CMC2: variants seen among roughly 807,000 people sequenced by gnomAD.
The protein encoded by CMC2 is COX assembly mitochondrial protein 2 homolog.
A neutral mutation model predicts 7.5 loss-of-function variants in CMC2; 5 were observed. The observed-to-expected ratio is 0.66, with a 90% CI of 0.35 to 1.40. CMC2 has a LOEUF of 1.40. Ranked by LOEUF, CMC2 falls within the 40% of genes most tolerant of loss-of-function variation. The pLI, the probability that CMC2 is intolerant of heterozygous loss-of-function variation, is 0.04. For missense variants in CMC2, 115 were observed against 92.3 expected, an observed-to-expected ratio of 1.25 and a Z score of -1.01; for synonymous variants, 37 against 31.4, an observed-to-expected ratio of 1.18 and a Z score of -0.60.
At position 80,993,823 on chromosome 16, in the gene CMC2, A is replaced by G. The variant is rs867592673; in HGVS notation, c.81+3491T>C. ...TCAAAAAACAAAAAACCAGTAAACAAGTTTTTTGTAGAAAATGACAAGCTG... is the reference window on the plus strand; with the variant it reads ...TCAAAAAACAAAAAACCAGTAAACAGGTTTTTTGTAGAAAATGACAAGCTG... On this transcript the variant is annotated intron_variant, in intron 2 of 3. Transcript: ENST00000219400. Among the ~76,000 whole-genome samples the G allele has an allele frequency of 2.6e-5, 4 of 152,326 alleles. No homozygotes were observed. In the South Asian group the frequency reaches 8.3e-4, roughly 32 times the overall value.
intron 2 of CMC2, chr16:80,988,474 G>C: frequency 2.9e-6 from 2 of 679,154 alleles, no homozygotes; most frequent in Non-Finnish European, 5.3e-6. Context: ...AAAGTTCCAA[G>C]AACAGTACAA....
At position 80,975,038 on chromosome 16, in the gene CMC2, A is replaced by C. The variant is rs1318943280; in HGVS notation, c.*1055T>G. On this transcript the variant is annotated 3_prime_UTR_variant, in exon 4 of 4. Coordinates refer to ENST00000219400, the MANE Select transcript of CMC2 (RefSeq NM_020188.5). Reference sequence around the variant, plus strand: ...CTGAGTCTGTTCCCTGACACCTGACAAGATCAAGCCCCTGCTGTGACTGCA... The same window carrying C: ...CTGAGTCTGTTCCCTGACACCTGACCAGATCAAGCCCCTGCTGTGACTGCA... 2 of 152,288 alleles carry C rather than the reference A, an allele frequency of 1.3e-5. No homozygotes were observed. Among genetic ancestry groups the C allele is most frequent in the African/African-American group, 4.8e-5 (2 of 41,474 alleles). The allele number at this position is 152,288 out of a possible 1,614,324, so 9.4% of individuals were successfully genotyped here.
At chr16:81,000,404 G>A (rs1348592272) in intron 1 of CMC2, among the ~76,000 whole-genome samples, 1 of 152,184 alleles carries the variant, frequency 6.6e-6, no homozygotes, top group Non-Finnish European at 1.5e-5. Context: ...GCTGAGGAAG[G>A]AGAATCGCTT....
rs1911811772 is a variant in CMC2 at position 80,970,049 on chromosome 16, T to G, written c.*6044A>C. On this transcript the variant is annotated 3_prime_UTR_variant, in exon 4 of 4. Coordinates refer to ENST00000219400, the MANE Select transcript of CMC2 (RefSeq NM_020188.5). ...TCTTTATTGTTTATATAATGAAGAT[T>G]AAAAGGACAGTGTAGTAAGCAATGA... The G allele has an allele frequency of 6.6e-6, 1 of 152,220 alleles. No homozygotes were observed. Among genetic ancestry groups the G allele is most frequent in the East Asian group, 1.9e-4 (1 of 5,186 alleles). 9.4% of individuals were successfully genotyped at this position (152,220 alleles called of 1,614,324 possible).
At chr16:80,996,380 T>C (rs1009535126) in intron 2 of CMC2, among the ~76,000 whole-genome samples, 1 of 152,234 alleles carries the variant, frequency 6.6e-6, no homozygotes, top group Admixed American at 6.5e-5. Flanking sequence ...CACAAATAAT[T>C]AGTTCTTGTT....
chr16:81,006,577 C>T, intron 1 of CMC2, 157 bp downstream of exon 1: 1 of 421,844 alleles, frequency 2.4e-6, no homozygotes. Flanking sequence ...CTCCCCAGCG[C>T]AGCAGCCCGG....
intron 2 of CMC2, chr16:80,983,150 T>C (rs1967258567): frequency 6.6e-6 from 1 of 152,412 alleles, no homozygotes; most frequent in Admixed American, 6.5e-5. Context: ...CAATATATAA[T>C]ACATATAACA....
At chr16:80,994,989 T>C (rs1968291167) in intron 2 of CMC2, among the ~76,000 whole-genome samples, 1 of 151,818 alleles carries the variant, frequency 6.6e-6, no homozygotes, top group Non-Finnish European at 1.5e-5. Flanking sequence ...CTACTAAATA[T>C]ACAAAAATGA....
chr16:80,989,202 C>T (rs1381031240), intron 2 of CMC2, among the ~76,000 whole-genome samples: 2 of 152,282 alleles, frequency 1.3e-5, no homozygotes, highest in South Asian at 2.1e-4. Context: ...ACTTTTCACC[C>T]ACTAGTATGA....
intron 2 of CMC2, among the ~76,000 whole-genome samples, chr16:80,984,447 T>C (rs1010198151): frequency 4.6e-5 from 7 of 152,214 alleles, no homozygotes; most frequent in Non-Finnish European, 7.3e-5. Flanking sequence ...AAACGTACGT[T>C]TCAATTCCAC....
intron 2 of CMC2, among the ~76,000 whole-genome samples, chr16:80,987,675 G>A (rs919486299): frequency 2.0e-5 from 3 of 152,074 alleles, no homozygotes; most frequent in African/African-American, 4.8e-5. Flanking sequence ...ATAAAAGCAC[G>A]GAAAGAATGA....
At chr16:80,978,257 C>T in intron 3 of CMC2, 1 of 1,098,128 alleles carries the variant, frequency 9.1e-7, no homozygotes, top group South Asian at 2.3e-5. Flanking sequence ...ATCACGTCTA[C>T]TGGATTGCCC....
chr16:80,986,257 G>A (rs1567515535), intron 2 of CMC2, among the ~76,000 whole-genome samples: 2 of 152,154 alleles, frequency 1.3e-5, no homozygotes, highest in Non-Finnish European at 2.9e-5. Context: ...GGCTGAGGCA[G>A]GAGAATCGCT....
chr16:81,005,341 G>C (rs1403404749), intron 1 of CMC2, among the ~76,000 whole-genome samples: 1 of 152,124 alleles, frequency 6.6e-6, no homozygotes, highest in South Asian at 2.1e-4. Context: ...GAACTCGGGA[G>C]GTGGAGGTTG....
At chr16:80,988,141 G>A (rs1197446812) in intron 2 of CMC2, among the ~76,000 whole-genome samples, 1 of 152,162 alleles carries the variant, frequency 6.6e-6, no homozygotes, top group African/African-American at 2.4e-5. Context: ...CTTTGATTGT[G>A]CCACCGCACT....
Position 80,976,110 on chromosome 16 carries a change from C to G in CMC2, c.223G>C (p.Glu75Gln), listed in dbSNP as rs746677657. Residue 75 changes from glutamate (E) to glutamine (Q), a missense_variant, in exon 4 of 4, where the codon GAG (glutamate) becomes CAG (glutamine). Physicochemically the swap from Glu to Gln is conservative, Grantham distance 29. Transcript: ENST00000219400. ...AMRKKLFNPPEESEK is the reference protein window; with the variant it reads ...AMRKKLFNPPQESEK ...AATACAATTTATTTTTCGGATTCCTCTGGAGGATTAAAAAGTTTCTTTCGC... is the reference window on the plus strand; with the variant it reads ...AATACAATTTATTTTTCGGATTCCTGTGGAGGATTAAAAAGTTTCTTTCGC... 1.2e-6 allele frequency: 2 copies of G among 1,603,292 alleles called. No homozygotes were observed. Among genetic ancestry groups the G allele is most frequent in the African/African-American group, 2.7e-5 (2 of 74,654 alleles).
At chr16:80,986,756 T>C (rs1260559919) in intron 2 of CMC2, among the ~76,000 whole-genome samples, 1 of 152,214 alleles carries the variant, frequency 6.6e-6, no homozygotes, top group Non-Finnish European at 1.5e-5. Context: ...AGAATGACAG[T>C]GGAAGTTTTA....
Position 80,997,403 on chromosome 16 carries a change from G to A in CMC2, c.-9C>T. ...GATAAGTCAGGATGCATCTTTAGGAGATGAGGATGGATCACAGCAGTGCAA... is the reference window on the plus strand; with the variant it reads ...GATAAGTCAGGATGCATCTTTAGGAAATGAGGATGGATCACAGCAGTGCAA... On this transcript the variant is annotated 5_prime_UTR_variant, in exon 2 of 4. Coordinates refer to ENST00000219400, the MANE Select transcript of CMC2 (RefSeq NM_020188.5). The A allele has an allele frequency of 6.2e-7, 1 of 1,606,256 alleles. No individual in the cohort carries two copies. Among genetic ancestry groups the A allele is most frequent in the East Asian group, 2.2e-5 (1 of 44,798 alleles).
At chr16:80,986,999 G>T (rs763331505) in intron 2 of CMC2, among the ~76,000 whole-genome samples, 5 of 152,188 alleles carry the variant, frequency 3.3e-5, no homozygotes, top group Non-Finnish European at 5.9e-5. Context: ...AGAAAGTTAT[G>T]GTAGAAGCCT....
Sources: allele counts gnomAD v4.1 joint callset (sites outside exome capture counted in the v4.1 genomes callset), GRCh38; gene constraint gnomAD v4.1.1; transcripts MANE v1.5; gene names NCBI Gene and HGNC (gene_info 2026-07-23, HGNC 2026-07-21).